The following HGD variants were observed in gnomAD, a reference collection of about 807,000 sequenced individuals.
The protein encoded by HGD is homogentisate oxidase.
HGD carries 61 observed loss-of-function variants against 60.8 expected under a neutral mutation model. The observed-to-expected ratio is 1.00, with a 90% CI of 0.82 to 1.24. The LOEUF (loss-of-function observed/expected upper bound fraction) is 1.24, where lower values mean the gene tolerates loss of function less well. HGD is among the 50% of genes most tolerant of loss of function. HGD has a pLI of 0.00. For missense variants in HGD, 542 were observed against 547.1 expected (o/e 0.99, Z 0.09); for synonymous variants, 212 against 187.7 (o/e 1.13, Z -1.06).
chr3:120,649,585 G>A (rs1386302320), intron 6 of HGD, among the ~76,000 whole-genome samples: 3 of 152,052 alleles, frequency 2.0e-5, no homozygotes, highest in African/African-American at 4.8e-5. Context: ...CTGCGCATTC[G>A]TGTGACTGTC....
Position 120,650,831 on chromosome 3 carries a change from T to G in HGD, c.377A>C (p.Lys126Thr), listed in dbSNP as rs1576299633. 6.2e-7 allele frequency: 1 copy of G among 1,614,050 alleles called. No homozygotes were observed. The highest frequency in any genetic ancestry group is 8.5e-7 in the Non-Finnish European group (1 of 1,179,888). The change falls in exon 6 of 14, where the codon AAG becomes ACG. Residue 126 changes from lysine to threonine, a missense_variant. By Grantham distance (78) the Lys-to-Thr change is moderately conservative (BLOSUM62 -1). Transcript: ENST00000283871. Reference protein sequence around the residue: ...LHTLCGAGDIKSNNGLAIHIF... With the variant: ...LHTLCGAGDITSNNGLAIHIF... ...GTGGATAGCAAGCCCATTGTTAGAC[T>G]TTATGTCTCCAGCTCCACACAAGGT... is the stretch of plus-strand genomic sequence containing the variant.
chr3:120,663,139 G>C (rs1023035698), intron 4 of HGD, among the ~76,000 whole-genome samples: 20 of 152,038 alleles, frequency 1.3e-4, no homozygotes, highest in Admixed American at 1.2e-3. Context: ...GATAGCTCTA[G>C]CAGAACAATA....
In HGD at chr3:120,673,992, AG is replaced by A. The variant is rs1708075719; in HGVS notation, c.176+908del. On this transcript the variant is annotated intron_variant, in intron 3 of 13. Coordinates refer to ENST00000283871, the MANE Select transcript of HGD (RefSeq NM_000187.4). ...ATTTATACTTAGGGGGCCTGCCTCC[AG>A]GGTGGCCATGATTAAACCTTGCAAT... 2.0e-5 allele frequency among the ~76,000 whole-genome samples: 3 copies of A among 152,218 alleles called. No homozygotes were observed. In the South Asian group the frequency reaches 6.2e-4, roughly 31 times the overall value.
chr3:120,663,405 C>A (rs912069588), intron 4 of HGD, among the ~76,000 whole-genome samples: 1 of 152,222 alleles, frequency 6.6e-6, no homozygotes, highest in African/African-American at 2.4e-5. Flanking sequence ...GAAAGCCTCA[C>A]AATGATAGCA....
chr3:120,631,654 T>G (rs1940595066), intron 13 of HGD, among the ~76,000 whole-genome samples: 1 of 152,222 alleles, frequency 6.6e-6, no homozygotes, highest in Non-Finnish European at 1.5e-5. Context: ...ACTTTGAAGA[T>G]GCTATTGTAC....
rs149677679 is a variant in HGD, at chr3:120,660,556, G to A, written c.283-7905C>T. Among the ~76,000 whole-genome samples the A allele has an allele frequency of 3.3e-5, 5 of 152,350 alleles. No homozygotes were observed. In the East Asian group the frequency reaches 9.6e-4, roughly 29 times the overall value. On this transcript the variant is annotated intron_variant, in intron 4 of 13. Transcript: ENST00000283871. Reference sequence around the variant, plus strand: ...AAAAGTCTTTCAGGCCAAGCGAGGTGGTTCACGCCTGTAATCCCAGCACTT... The same window carrying A: ...AAAAGTCTTTCAGGCCAAGCGAGGTAGTTCACGCCTGTAATCCCAGCACTT...
chr3:120,659,645 A>T (rs1559794591), intron 4 of HGD, among the ~76,000 whole-genome samples: 1 of 151,866 alleles, frequency 6.6e-6, no homozygotes, highest in Admixed American at 6.6e-5. Flanking sequence ...CACTCTTCCA[A>T]CCTCTGCCAG....
intron 10 of HGD, 98 bp from the exon 11 acceptor site, chr3:120,641,791 T>C: frequency 2.4e-6 from 2 of 841,300 alleles, no homozygotes; most frequent in Non-Finnish European, 4.1e-6. Context: ...CTTCTTTTGA[T>C]TTGATTTTGT....
At chr3:120,631,433 A>G (rs1396605688) in intron 13 of HGD, among the ~76,000 whole-genome samples, 1 of 152,196 alleles carries the variant, frequency 6.6e-6, no homozygotes, top group African/African-American at 2.4e-5. Context: ...ATTATTACGT[A>G]TCATATGCCT....
At chr3:120,676,539 A>C (rs890539893) in intron 1 of HGD, among the ~76,000 whole-genome samples, 2 of 152,196 alleles carry the variant, frequency 1.3e-5, no homozygotes, top group African/African-American at 4.8e-5. Flanking sequence ...GTTCTTGTGC[A>C]CTGTCTGGCT....
intron 4 of HGD, among the ~76,000 whole-genome samples, chr3:120,663,994 C>T (rs1319969681): frequency 6.6e-6 from 1 of 152,090 alleles, no homozygotes; most frequent in Non-Finnish European, 1.5e-5. Context: ...TTCCTCTTCC[C>T]TTCCCTGATC....
chr3:120,657,825 G>GAGAGAGAGAGAAAGAGAGAGAGAA (rs1941542296), intron 4 of HGD, among the ~76,000 whole-genome samples: 2 of 151,904 alleles, frequency 1.3e-5, no homozygotes, highest in African/African-American at 4.8e-5. Flanking sequence ...GAGTGAGAGA[G>GAGAGAGAGAGAAAGAGAGAGAGAA]AGAGAGAGAG....
rs532053142 is a variant in HGD at position 120,663,237 on chromosome 3, AGAGT to A, written c.282+7186_282+7189del. On this transcript the variant is annotated intron_variant, in intron 4 of 13. Transcript: ENST00000283871. ...AGTAAGGAAGAGGAGGGGAAGAGAGAGAGTAAGTACTTCCCCTTCTCTCAGAGGG... is the reference window on the plus strand; with the variant it reads ...AGTAAGGAAGAGGAGGGGAAGAGAGAAAGTACTTCCCCTTCTCTCAGAGGG... 2.6e-3 allele frequency among the ~76,000 whole-genome samples: 402 copies of A among 152,250 alleles called. 1 individual carries two copies. Among genetic ancestry groups the A allele is most frequent in the African/African-American group, 9.0e-3 (374 of 41,552 alleles).
At chr3:120,660,706 T>G (rs1438630368) in intron 4 of HGD, among the ~76,000 whole-genome samples, 1 of 152,138 alleles carries the variant, frequency 6.6e-6, no homozygotes, top group Non-Finnish European at 1.5e-5. Flanking sequence ...GCACCTGTAA[T>G]CCCAGCTACT....
chr3:120,631,135 T>C (rs1940580222), intron 13 of HGD, among the ~76,000 whole-genome samples: 1 of 151,950 alleles, frequency 6.6e-6, no homozygotes, highest in South Asian at 2.1e-4. Flanking sequence ...GGGTACTGTT[T>C]AGTACCCGAG....
chr3:120,640,169 C>T lies in HGD; in HGVS notation c.879+1420G>A, dbSNP rs184965227. On this transcript the variant is annotated intron_variant, in intron 11 of 13. Transcript: ENST00000283871. ...AGGAAAGAAGGAAGGAAGGAAGGAG[C>T]ATATGTACCCTTGAACCTAAAATAA... 1.3e-4 allele frequency among the ~76,000 whole-genome samples: 16 copies of T among 124,592 alleles called. No homozygotes were observed. The East Asian group carries it at 3.9e-3, about 30-fold the overall frequency. The allele number at this position is 124,592 out of a possible 152,430, so 81.7% of individuals were successfully genotyped here.
chr3:120,674,966 G>A lies in HGD; in HGVS notation c.111C>T (p.Tyr37=), dbSNP rs772792095. 4.8e-5 allele frequency: 77 copies of A among 1,611,360 alleles called. No individual in the cohort carries two copies. The South Asian group carries it at 8.3e-4, about 17-fold the overall frequency. ...EGQNNPQVCP[Y]NLYAEQLSGS... Reference sequence around the variant, plus strand: ...CTGAGAGCTGCTCAGCATAGAGATTGTAGGGGCAGACCTGAGGATTATTCT... The same window carrying A: ...CTGAGAGCTGCTCAGCATAGAGATTATAGGGGCAGACCTGAGGATTATTCT... The change falls in exon 3 of 14, where the codon TAC becomes TAT. Residue 37 remains tyrosine (Y), a synonymous_variant. Transcript: ENST00000283871.
intron 4 of HGD, among the ~76,000 whole-genome samples, chr3:120,666,219 G>C (rs1707897019): frequency 6.6e-6 from 1 of 152,132 alleles, no homozygotes; most frequent in Admixed American, 6.5e-5. Flanking sequence ...TGAATTCTGA[G>C]GCACATCTCT....
In HGD at chr3:120,633,339, T is replaced by A. The variant is rs772415605; in HGVS notation, c.1007-11A>T. The A allele has an allele frequency of 2.5e-6, 4 of 1,614,144 alleles. No individual in the cohort carries two copies. The highest frequency in any genetic ancestry group is 3.4e-6 in the Non-Finnish European group (4 of 1,180,006). The stretch of plus-strand genomic sequence containing the variant: ...CACTCATGCAGTTCCCTGGGAAGGT[T>A]GAAGCAGTATTATTTTTATTATCCA... On this transcript the variant is annotated splice_polypyrimidine_tract_variant and intron_variant, in intron 12 of 13. Transcript: ENST00000283871.
Sources: gnomAD v4.1 joint callset for allele counts (sites outside exome capture counted in the v4.1 genomes callset) on GRCh38, gnomAD v4.1.1 for gene constraint, MANE v1.5 for transcripts, NCBI Gene and HGNC (gene_info 2026-07-23, HGNC 2026-07-21) for gene names.